Variants in SULT1C2 observed in about 807,000 individuals in gnomAD.
SULT1C2 encodes sulfotransferase family 1C member 2.
SULT1C2 carries 27 observed loss-of-function variants against 36.0 expected under a neutral mutation model. The ratio of observed to expected loss-of-function variants is 0.75; its 90% CI spans 0.55 to 1.03. The LOEUF is 1.03. Among genes scored for constraint, SULT1C2 ranks in the 50% least tolerant of loss-of-function variants. The probability of loss-of-function intolerance (pLI) is 0.00; values close to 1 mark genes in which losing one functional copy is unlikely to be tolerated. For synonymous variants in SULT1C2, 121 were observed against 116.0 expected (o/e 1.04, Z -0.27); for missense variants, 395 against 359.2 (o/e 1.10, Z -0.80).
chr2:108,293,284 G>C (rs753672340), intron 1 of SULT1C2, among the ~76,000 whole-genome samples: 2 of 150,814 alleles, frequency 1.3e-5, no homozygotes, highest in African/African-American at 4.9e-5. Context: ...AAGAGATTAA[G>C]CTTTGGATCA....
chr2:108,308,615 CA>C lies in SULT1C2; in HGVS notation c.*152del. On this transcript the variant is annotated 3_prime_UTR_variant, in exon 8 of 8. Transcript: ENST00000251481. ...TCTGTGATGATTAACAGTATGTCAC[CA>C]CTTCATTTTTTAAAAAGGATCACGT... 1.7e-6 allele frequency: 1 copy of C among 596,440 alleles called. No homozygotes were observed. Among genetic ancestry groups the C allele is most frequent in the South Asian group, 3.2e-5 (1 of 31,214 alleles). 36.9% of individuals were successfully genotyped at this position (596,440 alleles called of 1,614,324 possible). A position where few individuals can be genotyped will look rare whatever the true frequency, so the allele number is the denominator to read the frequency against.
chr2:108,304,977 C>T (rs73952184), intron 5 of SULT1C2, among the ~76,000 whole-genome samples, 195 bp from the exon 6 acceptor site: 9,627 of 152,226 alleles, frequency 0.063, 462 homozygotes, highest in African/African-American at 0.14. Flanking sequence ...ACTTTAGGGA[C>T]GATGTTGGGG....
intron 3 of SULT1C2, chr2:108,299,968 A>G (rs1419986079): frequency 6.6e-6 from 1 of 152,232 alleles, no homozygotes; most frequent in Non-Finnish European, 1.5e-5. Flanking sequence ...TCTGATTCCC[A>G]CACTAGAGTG....
At chr2:108,306,580 G>C (rs993235916) in intron 7 of SULT1C2, among the ~76,000 whole-genome samples, 1 of 152,072 alleles carries the variant, frequency 6.6e-6, no homozygotes, top group Non-Finnish European at 1.5e-5. Context: ...CTCCAGCCTG[G>C]GTGACAGAGA....
chr2:108,294,932 T>C (rs1676686543), intron 3 of SULT1C2, among the ~76,000 whole-genome samples: 1 of 152,160 alleles, frequency 6.6e-6, no homozygotes, highest in South Asian at 2.1e-4. Flanking sequence ...ATATTTCAGG[T>C]AACTGGAGCT....
chr2:108,306,902 C>CAATA (rs757813932), intron 7 of SULT1C2, among the ~76,000 whole-genome samples: 11 of 152,056 alleles, frequency 7.2e-5, no homozygotes, highest in South Asian at 2.1e-4. Context: ...GAGACTGTCT[C>CAATA]AATAAATAAA....
At chr2:108,305,331 T>C in intron 6 of SULT1C2, 65 bp downstream of exon 6, 3 of 1,610,510 alleles carry the variant, frequency 1.9e-6, no homozygotes, top group Non-Finnish European at 2.5e-6. Context: ...AAATTCAAAG[T>C]TGTTTCAAAG....
chr2:108,299,226 G>A (rs1676813690), intron 3 of SULT1C2: 1 of 152,274 alleles, frequency 6.6e-6, no homozygotes, highest in Non-Finnish European at 1.5e-5. Context: ...CAGGGCAGCT[G>A]TCATCAAAGC....
chr2:108,304,382 G>A lies in SULT1C2; in HGVS notation c.376-192G>A, dbSNP rs183750124. 4.0e-3 allele frequency: 2,035 copies of A among 507,248 alleles called. 8 individuals carry two copies. The highest frequency in any genetic ancestry group is 5.3e-3 in the Non-Finnish European group (1,564 of 293,624). 31.4% of individuals were successfully genotyped at this position (507,248 alleles called of 1,614,324 possible). The stretch of plus-strand genomic sequence containing the variant: ...TTAGCTAATTAAAAGGACTGAGTTT[G>A]AAGTAGAGAGCAGACTTGGTGACAA... On this transcript the variant is annotated intron_variant, in intron 4 of 7. Coordinates refer to ENST00000251481, the MANE Select transcript of SULT1C2 (RefSeq NM_001056.4).
At chr2:108,299,947 T>G (rs1676831332) in intron 3 of SULT1C2, 1 of 152,254 alleles carries the variant, frequency 6.6e-6, no homozygotes, top group Non-Finnish European at 1.5e-5. Flanking sequence ...CTGACATGAT[T>G]CGCATGAGCC....
At chr2:108,305,391 A>G (rs759413658) in intron 6 of SULT1C2, 24 bp from the exon 7 acceptor site, 9 of 1,612,304 alleles carry the variant, frequency 5.6e-6, no homozygotes, top group Non-Finnish European at 7.6e-6. Flanking sequence ...CATTCATTCC[A>G]GTCCAATGTT....
chr2:108,299,540 G>C (rs1184953223), intron 3 of SULT1C2: 1 of 152,810 alleles, frequency 6.5e-6, no homozygotes, highest in Non-Finnish European at 1.5e-5. Flanking sequence ...GAAGGTCAGA[G>C]TGTGAGCTGG....
Position 108,294,246 on chromosome 2 carries a change from G to A in SULT1C2, c.169G>A (p.Glu57Lys), listed in dbSNP as rs969530695. Residue 57 changes from glutamate to lysine, a missense_variant, in exon 3 of 8, where the codon GAA (glutamate) becomes AAA (lysine). Coordinates refer to ENST00000251481, the MANE Select transcript of SULT1C2 (RefSeq NM_001056.4). The stretch of plus-strand genomic sequence containing the variant: ...AGCCTCAGGGACAACGTGGATTCAG[G>A]AAATTGTGGATATGATTGAACAGAA... The part of the protein sequence containing the change: ...YPKAGTTWIQ[E>K]IVDMIEQNGD... 1 of 1,613,714 alleles carries A rather than the reference G, an allele frequency of 6.2e-7. No individual in the cohort carries two copies. The highest frequency in any genetic ancestry group is 8.5e-7 in the Non-Finnish European group (1 of 1,179,870).
intron 1 of SULT1C2, among the ~76,000 whole-genome samples, chr2:108,292,594 C>CA (rs570492274): frequency 4.7e-4 from 71 of 151,860 alleles, no homozygotes; most frequent in African/African-American, 1.5e-3. Flanking sequence ...TTATCAAAAC[C>CA]AAAAAAACAA....
intron 3 of SULT1C2, 153 bp from the exon 4 acceptor site, chr2:108,300,685 A>G: frequency 7.8e-7 from 1 of 1,283,672 alleles, no homozygotes; most frequent in Admixed American, 3.2e-5. Flanking sequence ...AATGAAAATT[A>G]TATTAATAAT....
In SULT1C2 at chr2:108,305,588, G is replaced by A. The variant is rs1677004339; in HGVS notation, c.771G>A (p.Met257Ile). The A allele has an allele frequency of 7.4e-6, 12 of 1,614,158 alleles. No homozygotes were observed. Among genetic ancestry groups the A allele is most frequent in the South Asian group, 2.2e-5 (2 of 91,060 alleles). ...TGGACCAGTCAATTTCCTCCTTCAT[G>A]AGAAAAGGTGTGTGGGGCCTCTTTA... The part of the protein sequence containing the change: ...SILDQSISSF[M>I]RKGTVGDWKN... The change falls in exon 7 of 8, where the codon ATG becomes ATA. Residue 257 changes from methionine to isoleucine, a missense_variant. Met to Ile is a conservative substitution (Grantham distance 10). Transcript: ENST00000251481.
chr2:108,305,474 A>G lies in SULT1C2; in HGVS notation c.657A>G (p.Thr219=). Residue 219 remains threonine (T), a synonymous_variant, in exon 7 of 8, where the codon ACA becomes ACG. Coordinates refer to ENST00000251481, the MANE Select transcript of SULT1C2 (RefSeq NM_001056.4). ...TCATGGGAAAGAAGGTGGATGAAACAGTGCTAGATAAAATTGTCCAGGAGA... is the reference window on the plus strand; with the variant it reads ...TCATGGGAAAGAAGGTGGATGAAACGGTGCTAGATAAAATTGTCCAGGAGA... ...MQFMGKKVDE[T]VLDKIVQETS... The G allele has an allele frequency of 1.9e-6, 3 of 1,614,216 alleles. No individual in the cohort carries two copies. Among genetic ancestry groups the G allele is most frequent in the Non-Finnish European group, 2.5e-6 (3 of 1,180,024 alleles).
chr2:108,303,579 G>A (rs1676945082), intron 4 of SULT1C2: 2 of 152,240 alleles, frequency 1.3e-5, no homozygotes, highest in Admixed American at 6.5e-5. Context: ...TGGGGGTATA[G>A]GCTCTGGGGT....
chr2:108,289,884 G>A (rs1435554147), intron 1 of SULT1C2, among the ~76,000 whole-genome samples: 2 of 152,088 alleles, frequency 1.3e-5, no homozygotes, highest in Non-Finnish European at 2.9e-5. Flanking sequence ...ATCACTCCCC[G>A]TGCAGGCCTC....
Sources: allele counts gnomAD v4.1 joint callset (sites outside exome capture counted in the v4.1 genomes callset), GRCh38; gene constraint gnomAD v4.1.1; transcripts MANE v1.5; gene names NCBI Gene and HGNC (gene_info 2026-07-23, HGNC 2026-07-21).